The following MLLT1 variants were observed in gnomAD, a reference collection of about 807,000 sequenced individuals.
MLLT1 encodes MLLT1 super elongation complex subunit, also known as protein ENL.
Under a neutral mutation model 55.1 loss-of-function variants are expected in MLLT1, and 11 were observed. The ratio of observed to expected loss-of-function variants is 0.20; its 90% CI spans 0.13 to 0.33. The LOEUF (loss-of-function observed/expected upper bound fraction) is 0.33. MLLT1 is among the 10% of genes least tolerant of loss of function. MLLT1 has a pLI of 1.00. For synonymous variants in MLLT1, 323 were observed against 320.1 expected (o/e 1.01, Z -0.10); for missense variants, 536 against 760.6 (o/e 0.70, Z 3.47).
At position 6,270,829 on chromosome 19, in the gene MLLT1, C is replaced by G; in HGVS notation, c.13-70G>C. On this transcript the variant is annotated intron_variant, in intron 1 of 11. Transcript: ENST00000252674. The surrounding 1 kb of genome is among the most constrained non-coding windows in gnomAD (Gnocchi z 7.1). ...AAGCAGGGGACTGTCCCCTTACCCACAGAGAACTTTCGATAAAGACCCCCA... is the reference window on the plus strand; with the variant it reads ...AAGCAGGGGACTGTCCCCTTACCCAGAGAGAACTTTCGATAAAGACCCCCA... The G allele has an allele frequency of 6.8e-7, 1 of 1,460,362 alleles. No homozygotes were observed. Among genetic ancestry groups the G allele is most frequent in the East Asian group, 2.3e-5 (1 of 42,752 alleles). 90.5% of individuals were successfully genotyped at this position (1,460,362 alleles called of 1,614,324 possible).
chr19:6,217,740 CAAGG>C (rs1361027788), intron 7 of MLLT1, among the ~76,000 whole-genome samples: 9 of 152,224 alleles, frequency 5.9e-5, no homozygotes, highest in Admixed American at 4.6e-4. Flanking sequence ...ACAGCCACCA[CAAGG>C]AACAGTGCCC....
At position 6,256,490 on chromosome 19, in the gene MLLT1, C is replaced by T. The variant is rs545406849; in HGVS notation, c.276+5738G>A. Reference sequence around the variant, plus strand: ...AAAAAAAAGGCGGGGCACGGTGGCTCACGCCTGTAATCTCAGCACTTTGGG... The same window carrying T: ...AAAAAAAAGGCGGGGCACGGTGGCTTACGCCTGTAATCTCAGCACTTTGGG... On this transcript the variant is annotated intron_variant, in intron 3 of 11. Transcript: ENST00000252674. This position sits in a 1 kb window ranked among gnomAD's most constrained non-coding sequence, Gnocchi z 4.1. Among the ~76,000 whole-genome samples the T allele has an allele frequency of 6.6e-6, 1 of 151,800 alleles. No individual in the cohort carries two copies. Among genetic ancestry groups the T allele is most frequent in the Non-Finnish European group, 1.5e-5 (1 of 67,956 alleles).
At position 6,212,714 on chromosome 19, in the gene MLLT1, C is replaced by A; in HGVS notation, c.*328G>T. 8.7e-7 allele frequency: 1 copy of A among 1,147,222 alleles called. No individual in the cohort carries two copies. The highest frequency in any genetic ancestry group is 1.1e-6 in the Non-Finnish European group (1 of 929,796). The allele number at this position is 1,147,222 out of a possible 1,614,324, so 71.1% of individuals were successfully genotyped here. ...CAGCGACGCCGCACAGCCCGCCGAG[C>A]AGTGGGGGCTGGTCCCAAGGCTGGG... On this transcript the variant is annotated 3_prime_UTR_variant, in exon 12 of 12. Transcript: ENST00000252674.
In MLLT1 at chr19:6,221,878, C is replaced by A. The variant is rs2090900981; in HGVS notation, c.1110+243G>T. Among the ~76,000 whole-genome samples the A allele has an allele frequency of 2.0e-5, 3 of 152,318 alleles. No individual in the cohort carries two copies. In the South Asian group the frequency reaches 6.2e-4, roughly 32 times the overall value. Reference sequence around the variant, plus strand: ...CACCATCATGCTTTACCAGAGCCACCCACAAATGCCACCGAGGAGGCGAGG... The same window carrying A: ...CACCATCATGCTTTACCAGAGCCACACACAAATGCCACCGAGGAGGCGAGG... On this transcript the variant is annotated intron_variant, in intron 6 of 11. Coordinates refer to ENST00000252674, the MANE Select transcript of MLLT1 (RefSeq NM_005934.4).
chr19:6,234,614 C>A (rs1225095063), intron 3 of MLLT1, among the ~76,000 whole-genome samples: 1 of 152,122 alleles, frequency 6.6e-6, no homozygotes, highest in Non-Finnish European at 1.5e-5. Flanking sequence ...ACAGCAGAGA[C>A]GTGGGCAGCC....
At position 6,270,691 on chromosome 19, in the gene MLLT1, C is replaced by A. The variant is rs1244563881; in HGVS notation, c.81G>T (p.Gly27=). The A allele has an allele frequency of 2.5e-6, 4 of 1,614,130 alleles. No individual in the cohort carries two copies. The highest frequency in any genetic ancestry group is 2.5e-6 in the Non-Finnish European group (3 of 1,180,002). Residue 27 remains glycine, a synonymous_variant, in exon 2 of 12, where the codon GGG becomes GGT. Transcript: ENST00000252674. The surrounding 1 kb of genome is among the most constrained non-coding windows in gnomAD (Gnocchi z 7.1). The part of the protein sequence containing the change: ...AQLRKKPTTE[G]FTHDWMVFVR... ...CAAACACCATCCAGTCGTGAGTGAA[C>A]CCCTCCGTGGTGGGCTTCTTGCGCA...
intron 2 of MLLT1, among the ~76,000 whole-genome samples, chr19:6,267,263 G>A (rs1159827558): frequency 3.3e-5 from 5 of 151,920 alleles, no homozygotes; most frequent in African/African-American, 7.3e-5. Flanking sequence ...CACCACAGCC[G>A]GCTAATTTTT....
At chr19:6,221,967 G>A (rs1382969024) in intron 6 of MLLT1, among the ~76,000 whole-genome samples, 154 bp downstream of exon 6, 3 of 152,230 alleles carry the variant, frequency 2.0e-5, no homozygotes, top group East Asian at 1.9e-4. Flanking sequence ...CTAGTGAGGC[G>A]TGGAGGCCCC....
At chr19:6,259,082 C>T (rs1211218389) in intron 3 of MLLT1, 1 of 152,256 alleles carries the variant, frequency 6.6e-6, no homozygotes, top group Non-Finnish European at 1.5e-5. Context: ...CACAGCCAGG[C>T]TCTGAGATTG....
In MLLT1 at chr19:6,223,272, G is replaced by A. The variant is rs148519612; in HGVS notation, c.547-588C>T. On this transcript the variant is annotated intron_variant, in intron 5 of 11. Coordinates refer to ENST00000252674, the MANE Select transcript of MLLT1 (RefSeq NM_005934.4). ...GGCTTCGGGAAGCCAACTGCTGAGCGCCCACTGGGTCCCTGGGTCCCAGGT... is the reference window on the plus strand; with the variant it reads ...GGCTTCGGGAAGCCAACTGCTGAGCACCCACTGGGTCCCTGGGTCCCAGGT... Among the ~76,000 whole-genome samples the A allele has an allele frequency of 4.9e-3, 745 of 152,266 alleles. 9 individuals are homozygous for A. Among genetic ancestry groups the A allele is most frequent in the African/African-American group, 0.017 (706 of 41,540 alleles).
At chr19:6,214,836 C>G (rs190435001) in intron 8 of MLLT1, among the ~76,000 whole-genome samples, 1 of 152,200 alleles carries the variant, frequency 6.6e-6, no homozygotes, top group African/African-American at 2.4e-5. Flanking sequence ...AGAAGCGGCT[C>G]GAGCACACCG....
rs1225052781 is a variant in MLLT1, at chr19:6,229,539, C to T, written c.420+1031G>A. The stretch of plus-strand genomic sequence containing the variant: ...ATACATGCCACATACACACCTGACA[C>T]ATTCACATACTCCCCATAACACACG... On this transcript the variant is annotated intron_variant, in intron 4 of 11. Coordinates refer to ENST00000252674, the MANE Select transcript of MLLT1 (RefSeq NM_005934.4). This position sits in a 1 kb window ranked among gnomAD's most constrained non-coding sequence, Gnocchi z 5.2. Among the ~76,000 whole-genome samples the T allele has an allele frequency of 3.9e-5, 6 of 151,932 alleles. No individual in the cohort carries two copies. The East Asian group carries it at 5.8e-4, about 15-fold the overall frequency.
At chr19:6,279,192 C>T (rs2091443952) in intron 1 of MLLT1, among the ~76,000 whole-genome samples, 1 of 151,878 alleles carries the variant, frequency 6.6e-6, no homozygotes, top group Non-Finnish European at 1.5e-5. Flanking sequence ...CATATCTGAG[C>T]TGAGGTTGAA....
chr19:6,269,918 G>A (rs1221674883), intron 2 of MLLT1, among the ~76,000 whole-genome samples: 1 of 152,140 alleles, frequency 6.6e-6, no homozygotes, highest in Non-Finnish European at 1.5e-5. Flanking sequence ...CCCCAGCCCT[G>A]ATGGCGCTCA....
At chr19:6,218,721 A>T (rs539228138) in intron 6 of MLLT1, among the ~76,000 whole-genome samples, 2 of 152,332 alleles carry the variant, frequency 1.3e-5, no homozygotes, top group South Asian at 4.1e-4. Flanking sequence ...ACAGAGGGTG[A>T]CAGTGCAGGG....
At chr19:6,217,576 G>A (rs1466956015) in intron 7 of MLLT1, among the ~76,000 whole-genome samples, 1 of 152,256 alleles carries the variant, frequency 6.6e-6, no homozygotes, top group Non-Finnish European at 1.5e-5. Context: ...CAGGCAGCCA[G>A]TGCCTCGCTG....
At position 6,270,444 on chromosome 19, in the gene MLLT1, C is replaced by T. The variant is rs75071528; in HGVS notation, c.193+135G>A. On this transcript the variant is annotated intron_variant, in intron 2 of 11. Coordinates refer to ENST00000252674, the MANE Select transcript of MLLT1 (RefSeq NM_005934.4). This position sits in a 1 kb window ranked among gnomAD's most constrained non-coding sequence, Gnocchi z 7.1. ...AGGTGACACGGCTCCAGTGCCCCCA[C>T]GCCGAGGGACGCAAGCTGGAACCTC... 444 of 909,792 alleles carry T rather than the reference C, an allele frequency of 4.9e-4. 1 individual carries two copies. In the East Asian group the frequency reaches 9.8e-3, roughly 20 times the overall value. The allele number at this position is 909,792 out of a possible 1,614,324, so 56.4% of individuals were successfully genotyped here.
chr19:6,212,014 C>A lies in MLLT1; in HGVS notation c.*1028G>T, dbSNP rs1008396404. On this transcript the variant is annotated 3_prime_UTR_variant, in exon 12 of 12. Coordinates refer to ENST00000252674, the MANE Select transcript of MLLT1 (RefSeq NM_005934.4). ...TCGAGGGGCTGACCAGAGTTCAATG[C>A]GCCTCAGAAAACTCCATAAACTATC... The A allele has an allele frequency of 5.7e-5, 61 of 1,065,564 alleles. No individual in the cohort carries two copies. Among genetic ancestry groups the A allele is most frequent in the Non-Finnish European group, 6.5e-5 (57 of 879,210 alleles). The allele number at this position is 1,065,564 out of a possible 1,614,324, so 66.0% of individuals were successfully genotyped here.
intron 1 of MLLT1, among the ~76,000 whole-genome samples, chr19:6,274,442 C>A (rs1165060417): frequency 6.6e-6 from 1 of 152,182 alleles, no homozygotes; most frequent in Non-Finnish European, 1.5e-5. Flanking sequence ...TGAAGCTAAT[C>A]AATTAGCTGT....
Sources: allele counts gnomAD v4.1 joint callset (sites outside exome capture counted in the v4.1 genomes callset), GRCh38; gene constraint gnomAD v4.1.1; non-coding constraint Gnocchi (gnomAD v3.1); transcripts MANE v1.5; gene names NCBI Gene and HGNC (gene_info 2026-07-23, HGNC 2026-07-21).